ADGRL3: variants seen among roughly 807,000 people sequenced by gnomAD.
The protein encoded by ADGRL3 is calcium-independent alpha-latrotoxin receptor 3.
A neutral mutation model predicts 153.5 loss-of-function variants in ADGRL3; 62 were observed. The ratio of observed to expected loss-of-function variants is 0.40; its 90% confidence interval spans 0.33 to 0.50. The LOEUF (loss-of-function observed/expected upper bound fraction) is 0.50, where lower values mean the gene tolerates loss of function less well. Ranked by LOEUF, ADGRL3 falls within the 20% of genes least tolerant of loss-of-function variation. The pLI, the probability that ADGRL3 is intolerant of heterozygous loss-of-function variation, is 0.47. For synonymous variants in ADGRL3, 710 were observed against 672.5 expected (o/e 1.06, Z -0.86); for missense variants, 1,641 against 1,859.4 (o/e 0.88, Z 2.16).
At chr4:61,729,949 A>T (rs535070128) in intron 6 of ADGRL3, among the ~76,000 whole-genome samples, 23 of 152,026 alleles carry the variant, frequency 1.5e-4, no homozygotes, top group Non-Finnish European at 2.8e-4. Flanking sequence ...CCTTCTGATA[A>T]TGTATTTTTC....
chr4:61,587,124 T>A (rs1560889033), intron 4 of ADGRL3, 103 bp from the exon 5 acceptor site: 1 of 631,222 alleles, frequency 1.6e-6, no homozygotes, highest in Non-Finnish European at 2.7e-6. Flanking sequence ...CTGCTTTATA[T>A]CTTCGTATTG....
Position 61,969,600 on chromosome 4 carries a change from T to C in ADGRL3, c.2806-9963T>C, listed in dbSNP as rs143354330. Among the ~76,000 whole-genome samples the C allele has an allele frequency of 2.0e-3, 304 of 152,222 alleles. 1 individual carries two copies. Among genetic ancestry groups the C allele is most frequent in the African/African-American group, 7.0e-3 (292 of 41,550 alleles). On this transcript the variant is annotated intron_variant, in intron 17 of 26. Transcript: ENST00000683033. ...GAACTGTAAGAAAACATGGTCACAA[T>C]ATTCACAATATAAAAATTAAAGTAG...
intron 8 of ADGRL3, among the ~76,000 whole-genome samples, chr4:61,748,414 C>A (rs1220025391): frequency 1.3e-5 from 2 of 151,024 alleles, no homozygotes; most frequent in African/African-American, 2.5e-5. Context: ...CAATCCTAAG[C>A]CAAAAGAACA....
At chr4:61,956,216 T>G (rs974211482) in intron 17 of ADGRL3, among the ~76,000 whole-genome samples, 2 of 152,168 alleles carry the variant, frequency 1.3e-5, no homozygotes, top group African/African-American at 4.8e-5. Flanking sequence ...TCTTGACTTT[T>G]TAATAATTGC....
intron 11 of ADGRL3, among the ~76,000 whole-genome samples, chr4:61,905,005 T>G (rs1043482036): frequency 2.0e-5 from 3 of 151,992 alleles, no homozygotes; most frequent in African/African-American, 7.2e-5. Context: ...AACAAAATAA[T>G]TACATAAGAA....
At chr4:61,840,071 CATTT>C (rs1432434411) in intron 9 of ADGRL3, among the ~76,000 whole-genome samples, 2 of 151,278 alleles carry the variant, frequency 1.3e-5, no homozygotes, top group Non-Finnish European at 2.9e-5. Flanking sequence ...TAGTTTGTCT[CATTT>C]ATTTATTTAC....
chr4:61,782,504 A>G (rs2097225324), intron 8 of ADGRL3, among the ~76,000 whole-genome samples: 1 of 152,200 alleles, frequency 6.6e-6, no homozygotes, highest in Non-Finnish European at 1.5e-5. Context: ...AGATAAACAT[A>G]ATAAACCTCA....
intron 5 of ADGRL3, among the ~76,000 whole-genome samples, chr4:61,619,883 A>C (rs2149812450): frequency 6.6e-6 from 1 of 152,350 alleles, no homozygotes; most frequent in South Asian, 2.1e-4. Context: ...CTGCTAGCTA[A>C]GCAAAAATGT....
chr4:61,917,068 A>T (rs908614962), intron 13 of ADGRL3, among the ~76,000 whole-genome samples: 2 of 152,242 alleles, frequency 1.3e-5, no homozygotes, highest in Non-Finnish European at 2.9e-5. Flanking sequence ...CGTATGATAT[A>T]ATTATTGCGA....
chr4:61,465,233 C>A (rs1013888093), intron 2 of ADGRL3, among the ~76,000 whole-genome samples: 2 of 152,030 alleles, frequency 1.3e-5, no homozygotes, highest in South Asian at 2.1e-4. Context: ...AGAAAGTATA[C>A]AAATACAAGA....
At chr4:61,436,484 C>T (rs781261419) in intron 2 of ADGRL3, among the ~76,000 whole-genome samples, 4 of 151,910 alleles carry the variant, frequency 2.6e-5, no homozygotes, top group Non-Finnish European at 5.9e-5. Flanking sequence ...AGTTGTTTTG[C>T]GAAGACTGAC....
At chr4:61,951,862 CACAA>C (rs1469619666) in intron 17 of ADGRL3, among the ~76,000 whole-genome samples, 1 of 152,054 alleles carries the variant, frequency 6.6e-6, no homozygotes, top group Non-Finnish European at 1.5e-5. Context: ...AAGACTGTGT[CACAA>C]ACAAACAAAA....
chr4:61,234,768 C>G (rs1280646616), intron 1 of ADGRL3, among the ~76,000 whole-genome samples: 1 of 152,088 alleles, frequency 6.6e-6, no homozygotes, highest in African/African-American at 2.4e-5. Flanking sequence ...TGAAAGACGA[C>G]TGCAGTAGGA....
Position 62,071,047 on chromosome 4 carries a change from T to C in ADGRL3, c.*139T>C. ...AAAGACAAACACAAACTCTCAGACT[T>C]TTTTTTTTTTAATGGGATTTTTAGG... On this transcript the variant is annotated 3_prime_UTR_variant, in exon 27 of 27. Transcript: ENST00000683033. 1.5e-6 allele frequency: 1 copy of C among 685,986 alleles called. No individual in the cohort carries two copies. Among genetic ancestry groups the C allele is most frequent in the Non-Finnish European group, 2.3e-6 (1 of 440,344 alleles). The allele number at this position is 685,986 out of a possible 1,614,324, so 42.5% of individuals were successfully genotyped here. A position where few individuals can be genotyped will look rare whatever the true frequency, so the allele number is the denominator to read the frequency against.
In ADGRL3 at chr4:61,915,444, C is replaced by T. The variant is rs919563230; in HGVS notation, c.2112+2687C>T. Reference sequence around the variant, plus strand: ...GCAATGTTAGGATTGTTTTTGATTGCAATCTATGCTATCCTTTTAATGGGG... The same window carrying T: ...GCAATGTTAGGATTGTTTTTGATTGTAATCTATGCTATCCTTTTAATGGGG... On this transcript the variant is annotated intron_variant, in intron 13 of 26. Coordinates refer to ENST00000683033, the MANE Select transcript of ADGRL3 (RefSeq NM_001387552.1). Among the ~76,000 whole-genome samples the T allele has an allele frequency of 4.0e-5, 6 of 151,770 alleles. No individual in the cohort carries two copies. In the East Asian group the frequency reaches 1.2e-3, roughly 29 times the overall value.
intron 8 of ADGRL3, among the ~76,000 whole-genome samples, chr4:61,799,605 C>T (rs1450186846): frequency 6.6e-6 from 1 of 152,054 alleles, no homozygotes; most frequent in African/African-American, 2.4e-5. Context: ...GCAGAACCCC[C>T]AAGAGGCTAA....
intron 19 of ADGRL3, among the ~76,000 whole-genome samples, chr4:61,988,790 AG>A (rs1354969380): frequency 6.6e-6 from 1 of 152,152 alleles, no homozygotes; most frequent in Admixed American, 6.6e-5. Flanking sequence ...GAAGGGGTAA[AG>A]CCCAGAGAAT....
intron 8 of ADGRL3, among the ~76,000 whole-genome samples, chr4:61,756,434 G>A (rs2096831536): frequency 6.6e-6 from 1 of 152,128 alleles, no homozygotes; most frequent in African/African-American, 2.4e-5. Flanking sequence ...TGTTATTGGT[G>A]TATAAGAATG....
intron 5 of ADGRL3, among the ~76,000 whole-genome samples, chr4:61,675,550 C>T (rs1343646698): frequency 1.3e-5 from 2 of 150,624 alleles, no homozygotes; most frequent in African/African-American, 2.4e-5. Flanking sequence ...TTGTTTTTCC[C>T]CATGAATTAA....
Sources: allele counts gnomAD v4.1 joint callset (sites outside exome capture counted in the v4.1 genomes callset), GRCh38; gene constraint gnomAD v4.1.1; transcripts MANE v1.5; gene names NCBI Gene and HGNC (gene_info 2026-07-23, HGNC 2026-07-21).